The following DCC variants were observed in gnomAD, a reference collection of about 807,000 sequenced individuals.
DCC encodes DCC netrin 1 receptor.
Under a neutral mutation model 172.5 loss-of-function variants are expected in DCC, and 58 were observed. That is an observed-to-expected ratio of 0.34 (90% CI 0.27 to 0.42). The LOEUF (loss-of-function observed/expected upper bound fraction) is 0.42. Ranked by LOEUF, DCC falls within the 10% of genes least tolerant of loss-of-function variation. The pLI is 1.00. For synonymous variants in DCC, 709 were observed against 644.5 expected, an observed-to-expected ratio of 1.10 and a Z score of -1.52; for missense variants, 1,740 against 1,791.0, an observed-to-expected ratio of 0.97 and a Z score of 0.51.
chr18:52,610,843 T>C, intron 1 of DCC, among the ~76,000 whole-genome samples: 1 of 144,816 alleles, frequency 6.9e-6, no homozygotes, highest in East Asian at 2.0e-4. Flanking sequence ...TCTACCCATT[T>C]ACAAATGTAA....
At chr18:53,163,257 G>A (rs1170625127) in intron 8 of DCC, among the ~76,000 whole-genome samples, 3 of 134,086 alleles carry the variant, frequency 2.2e-5, no homozygotes, top group Non-Finnish European at 5.0e-5. Flanking sequence ...TGATATTCTC[G>A]ATAGATTTTT....
intron 1 of DCC, among the ~76,000 whole-genome samples, chr18:52,616,564 A>G (rs544596130): frequency 6.6e-6 from 1 of 152,200 alleles, no homozygotes; most frequent in African/African-American, 2.4e-5. Context: ...TGCATTTGAG[A>G]GGGGAAAAAA....
chr18:52,986,585 C>T (rs979561267), intron 5 of DCC, among the ~76,000 whole-genome samples: 1 of 151,918 alleles, frequency 6.6e-6, no homozygotes, highest in African/African-American at 2.4e-5. Flanking sequence ...CCATTGAGGC[C>T]TAGTTATCTT....
intron 1 of DCC, among the ~76,000 whole-genome samples, chr18:52,533,130 C>A (rs557170079): frequency 1.3e-5 from 2 of 152,018 alleles, no homozygotes; most frequent in South Asian, 4.2e-4. Context: ...TCATATGTAC[C>A]CTTTACCCTG....
At chr18:52,465,600 C>T (rs750144983) in intron 1 of DCC, among the ~76,000 whole-genome samples, 7 of 152,226 alleles carry the variant, frequency 4.6e-5, no homozygotes, top group African/African-American at 1.7e-4. Context: ...CCCTTTGTCC[C>T]GACAAAGGAG....
chr18:52,890,951 G>A (rs1345830224), intron 2 of DCC, among the ~76,000 whole-genome samples: 8 of 151,992 alleles, frequency 5.3e-5, no homozygotes, highest in African/African-American at 1.7e-4. Flanking sequence ...CTTGAAAAGC[G>A]GAATGACTTT....
At chr18:52,761,914 AAAAAAAAAAAAG>A (rs1305529151) in intron 2 of DCC, among the ~76,000 whole-genome samples, 37 of 143,926 alleles carry the variant, frequency 2.6e-4, no homozygotes, top group African/African-American at 7.6e-4. Flanking sequence ...GTCTCAAAAA[AAAAAAAAAAAAG>A]AAAAAAAAAA....
chr18:53,182,153 C>G (rs1348377115), intron 9 of DCC, among the ~76,000 whole-genome samples: 1 of 152,150 alleles, frequency 6.6e-6, no homozygotes, highest in Non-Finnish European at 1.5e-5. Flanking sequence ...ATAAAACATG[C>G]TGATTGTTGG....
intron 1 of DCC, among the ~76,000 whole-genome samples, chr18:52,654,336 G>A (rs937618474): frequency 6.6e-6 from 1 of 152,120 alleles, no homozygotes; most frequent in Admixed American, 6.6e-5. Flanking sequence ...CATTACCATT[G>A]AACAAGATAA....
intron 27 of DCC, among the ~76,000 whole-genome samples, chr18:53,508,273 G>C (rs1187689450): frequency 6.6e-6 from 1 of 150,414 alleles, no homozygotes; most frequent in African/African-American, 2.4e-5. Context: ...GCTCACTGAA[G>C]CTTTGTCCTC....
intron 25 of DCC, among the ~76,000 whole-genome samples, chr18:53,469,333 A>T (rs1480916914): frequency 1.3e-5 from 2 of 152,226 alleles, no homozygotes; most frequent in African/African-American, 2.4e-5. Context: ...TGCTTACTGA[A>T]TATTTATGAC....
intron 2 of DCC, among the ~76,000 whole-genome samples, chr18:52,895,574 C>T (rs893581703): frequency 6.6e-6 from 1 of 151,928 alleles, no homozygotes; most frequent in Non-Finnish European, 1.5e-5. Flanking sequence ...ATAATTTTCG[C>T]TCATTTAAAA....
chr18:52,591,787 C>CTTTTTTTTTTTT (rs370150482), intron 1 of DCC, among the ~76,000 whole-genome samples: 5 of 125,138 alleles, frequency 4.0e-5, no homozygotes, highest in Non-Finnish European at 5.0e-5. Flanking sequence ...TTATTTATTT[C>CTTTTTTTTTTTT]TTTTTTTTTT....
chr18:52,985,667 T>A (rs1305898158), intron 5 of DCC, among the ~76,000 whole-genome samples: 1 of 152,112 alleles, frequency 6.6e-6, no homozygotes, highest in Non-Finnish European at 1.5e-5. Flanking sequence ...ATTTACTATG[T>A]CTTTTTTTTT....
intron 1 of DCC, among the ~76,000 whole-genome samples, chr18:52,629,927 G>A (rs1175908629): frequency 7.2e-6 from 1 of 139,782 alleles, no homozygotes; most frequent in Non-Finnish European, 1.5e-5. Context: ...TCCAGCCTGG[G>A]CGACAGAGCA....
chr18:52,792,769 T>TTCCATTCCATTCCATTCC (rs368199512), intron 2 of DCC, among the ~76,000 whole-genome samples: 34 of 134,476 alleles, frequency 2.5e-4, no homozygotes, highest in Non-Finnish European at 4.8e-4. Flanking sequence ...TATTCCATTC[T>TTCCATTCCATTCCATTCC]ATTCCATTCC....
At chr18:52,781,233 T>C (rs9962979) in intron 2 of DCC, among the ~76,000 whole-genome samples, 12,705 of 152,166 alleles carry the variant, frequency 0.083, 754 homozygotes, top group South Asian at 0.16. Flanking sequence ...CCGCAACCCC[T>C]GCAACTTCCT....
At chr18:53,170,421 A>G (rs545150096) in intron 8 of DCC, among the ~76,000 whole-genome samples, 159 of 152,368 alleles carry the variant, frequency 1.0e-3, no homozygotes, top group African/African-American at 3.7e-3. Context: ...AGAAAATATC[A>G]ATAAAGATTT....
At chr18:53,323,486 A>G (rs1404180848) in intron 14 of DCC, among the ~76,000 whole-genome samples, 1 of 152,262 alleles carries the variant, frequency 6.6e-6, no homozygotes, top group Non-Finnish European at 1.5e-5. Flanking sequence ...TGATACAATA[A>G]TAACTAAGAA....
Sources: gnomAD v4.1 joint callset for allele counts (sites outside exome capture counted in the v4.1 genomes callset) on GRCh38, gnomAD v4.1.1 for gene constraint, MANE v1.5 for transcripts, NCBI Gene and HGNC (gene_info 2026-07-23, HGNC 2026-07-21) for gene names.